Variants in GREM2 observed in about 807,000 individuals in gnomAD.
The protein encoded by GREM2 is gremlin-2.
Under a neutral mutation model 14.2 loss-of-function variants are expected in GREM2, and 11 were observed. The ratio of observed to expected loss-of-function variants is 0.78; its 90% CI spans 0.49 to 1.28. GREM2 has a LOEUF of 1.28. GREM2 is among the 50% of genes most tolerant of loss of function. The pLI is 0.00. For synonymous variants in GREM2, 98 were observed against 97.6 expected (o/e 1.00, Z -0.02); for missense variants, 210 against 218.5 (o/e 0.96, Z 0.24).
chr1:240,597,156 G>A (rs533403477), intron 1 of GREM2, among the ~76,000 whole-genome samples: 8 of 152,300 alleles, frequency 5.3e-5, no homozygotes, highest in Admixed American at 4.6e-4. Context: ...TTTAATGACC[G>A]TGGTTACGAT....
rs145867839 is a variant in GREM2, at chr1:240,610,775, T to C, written c.-2+1109A>G. Among the ~76,000 whole-genome samples the C allele has an allele frequency of 4.4e-3, 673 of 152,316 alleles. 13 individuals carry two copies. The highest frequency in any genetic ancestry group is 2.9e-3 in the Non-Finnish European group (194 of 68,020). Reference sequence around the variant, plus strand: ...TGCCCCTGCACCTGCTGCAGAGCCATTCTCTGGCTGTACTGGAGTCCCAAT... The same window carrying C: ...TGCCCCTGCACCTGCTGCAGAGCCACTCTCTGGCTGTACTGGAGTCCCAAT... On this transcript the variant is annotated intron_variant, in intron 1 of 1. Coordinates refer to ENST00000318160, the MANE Select transcript of GREM2 (RefSeq NM_022469.4).
chr1:240,534,033 C>T (rs186807514), intron 1 of GREM2, among the ~76,000 whole-genome samples: 92 of 152,238 alleles, frequency 6.0e-4, no homozygotes, highest in Admixed American at 9.8e-4. Context: ...TTGAATCAAA[C>T]GTGGAAAATG....
intron 1 of GREM2, among the ~76,000 whole-genome samples, chr1:240,504,688 G>A (rs775050949): frequency 1.3e-5 from 2 of 152,138 alleles, no homozygotes; most frequent in Non-Finnish European, 2.9e-5. Context: ...AGTTCCTTTT[G>A]CAAGTCAGGC....
Position 240,492,762 on chromosome 1 carries a change from C to A in GREM2, c.*207G>T, listed in dbSNP as rs1211923161. On this transcript the variant is annotated 3_prime_UTR_variant, in exon 2 of 2. Coordinates refer to ENST00000318160, the MANE Select transcript of GREM2 (RefSeq NM_022469.4). The stretch of plus-strand genomic sequence containing the variant: ...CTGGTTTAGGGGGCACAGGTGGGAC[C>A]CGGGGTCGGTCAGGAACACATCAGC... The A allele has an allele frequency of 1.2e-5, 5 of 412,638 alleles. No individual in the cohort carries two copies. Among genetic ancestry groups the A allele is most frequent in the African/African-American group, 8.4e-5 (4 of 47,888 alleles). The allele number at this position is 412,638 out of a possible 1,614,324, so 25.6% of individuals were successfully genotyped here.
Position 240,524,464 on chromosome 1 carries a change from G to A in GREM2, c.-1-30988C>T, listed in dbSNP as rs559259248. Among the ~76,000 whole-genome samples the A allele has an allele frequency of 3.0e-4, 46 of 152,312 alleles. No individual in the cohort carries two copies. The South Asian group carries it at 9.1e-3, about 30-fold the overall frequency. On this transcript the variant is annotated intron_variant, in intron 1 of 1. Transcript: ENST00000318160. ...AACATAGATACATTTGGGAATTTAA[G>A]AAGTGATTTATGGTGGCATTTTGAA... is the stretch of plus-strand genomic sequence containing the variant.
chr1:240,492,027 T>A lies in GREM2; in HGVS notation c.*942A>T. The A allele has an allele frequency of 5.4e-6, 1 of 183,818 alleles. No homozygotes were observed. The highest frequency in any genetic ancestry group is 1.2e-5 in the Non-Finnish European group (1 of 83,664). The allele number at this position is 183,818 out of a possible 1,614,324, so 11.4% of individuals were successfully genotyped here. A position where few individuals can be genotyped will look rare whatever the true frequency, so the allele number is the denominator to read the frequency against. On this transcript the variant is annotated 3_prime_UTR_variant, in exon 2 of 2. Transcript: ENST00000318160. ...CTGACCAGGCATTTTTTTTTCTGAG[T>A]AAGACACCTTCTGGGCCTGCTGTCA...
intron 1 of GREM2, among the ~76,000 whole-genome samples, chr1:240,509,962 G>A (rs1001078175): frequency 2.0e-5 from 3 of 152,268 alleles, no homozygotes; most frequent in East Asian, 1.9e-4. Flanking sequence ...TGGAAGCTAC[G>A]GTTAAGCCTT....
intron 1 of GREM2, among the ~76,000 whole-genome samples, chr1:240,608,400 A>G (rs1422835895): frequency 2.0e-5 from 3 of 152,194 alleles, no homozygotes; most frequent in Admixed American, 1.3e-4. Flanking sequence ...ACATCCATCA[A>G]CTTTCCCAAA....
At chr1:240,603,359 G>T (rs1484600458) in intron 1 of GREM2, among the ~76,000 whole-genome samples, 1 of 152,160 alleles carries the variant, frequency 6.6e-6, no homozygotes, top group African/African-American at 2.4e-5. Context: ...GCAAATTCAA[G>T]TAAACGGAAG....
intron 1 of GREM2, among the ~76,000 whole-genome samples, chr1:240,594,893 G>A (rs1005813594): frequency 3.3e-5 from 5 of 152,084 alleles, no homozygotes; most frequent in African/African-American, 9.7e-5. Flanking sequence ...TGTTCAGGAC[G>A]TTACTGTACT....
chr1:240,541,648 C>T (rs1290303756), intron 1 of GREM2, among the ~76,000 whole-genome samples: 1 of 150,650 alleles, frequency 6.6e-6, no homozygotes, highest in East Asian at 2.0e-4. Flanking sequence ...TTTTATTTCC[C>T]TTGGATTTTT....
chr1:240,531,502 T>C (rs1229437469), intron 1 of GREM2: 2 of 276,248 alleles, frequency 7.2e-6, no homozygotes, highest in African/African-American at 4.6e-5. Context: ...TATGTAATAG[T>C]ATTTCAGAAT....
rs77080187 is a variant in GREM2, at chr1:240,548,675, C to A, written c.-1-55199G>T. On this transcript the variant is annotated intron_variant, in intron 1 of 1. Coordinates refer to ENST00000318160, the MANE Select transcript of GREM2 (RefSeq NM_022469.4). ...TGCAGATAAAGATAAAGAGTGAGTT[C>A]GAGACTAAAGATTTGGGAAAGGTGT... 9.6e-3 allele frequency among the ~76,000 whole-genome samples: 1,462 copies of A among 151,742 alleles called. 22 individuals carry two copies. Among genetic ancestry groups the A allele is most frequent in the African/African-American group, 0.034 (1,394 of 41,316 alleles).
chr1:240,510,613 T>A (rs1677802675), intron 1 of GREM2, among the ~76,000 whole-genome samples: 1 of 152,166 alleles, frequency 6.6e-6, no homozygotes, highest in African/African-American at 2.4e-5. Context: ...CACCTAAGAT[T>A]GTTAATGTTA....
chr1:240,524,008 T>C (rs1385579425), intron 1 of GREM2, among the ~76,000 whole-genome samples: 2 of 152,210 alleles, frequency 1.3e-5, no homozygotes, highest in African/African-American at 4.8e-5. Context: ...CATCTTTTAA[T>C]CATTTTGATT....
At chr1:240,520,840 T>C (rs1401070825) in intron 1 of GREM2, among the ~76,000 whole-genome samples, 2 of 151,250 alleles carry the variant, frequency 1.3e-5, no homozygotes, top group African/African-American at 4.9e-5. Context: ...ACTGTGCCAG[T>C]CCAGGAATTA....
chr1:240,596,527 T>C (rs1311479833), intron 1 of GREM2, among the ~76,000 whole-genome samples: 2 of 152,014 alleles, frequency 1.3e-5, no homozygotes, highest in Non-Finnish European at 2.9e-5. Context: ...TGAAACCCCA[T>C]CTCTACTAAA....
intron 1 of GREM2, among the ~76,000 whole-genome samples, chr1:240,506,867 C>T (rs184676420): frequency 6.6e-6 from 1 of 152,272 alleles, no homozygotes; most frequent in East Asian, 1.9e-4. Context: ...CCATGAAAGA[C>T]AATGTGAGCC....
intron 1 of GREM2, among the ~76,000 whole-genome samples, chr1:240,578,273 C>A (rs1679409961): frequency 6.6e-6 from 1 of 151,976 alleles, no homozygotes. Flanking sequence ...CTACAGGCGC[C>A]TGCCACCATG....
Sources: gnomAD v4.1 joint callset for allele counts (sites outside exome capture counted in the v4.1 genomes callset) on GRCh38, gnomAD v4.1.1 for gene constraint, MANE v1.5 for transcripts, NCBI Gene and HGNC (gene_info 2026-07-23, HGNC 2026-07-21) for gene names.